Variants in PTPRT observed in about 807,000 individuals in gnomAD.
PTPRT encodes the protein receptor-type tyrosine-protein phosphatase T.
In PTPRT, 56 loss-of-function variants were observed where a neutral mutation model predicts 176.8. The ratio of observed to expected loss-of-function variants is 0.32; its 90% CI spans 0.26 to 0.40. PTPRT has a LOEUF of 0.40. PTPRT is among the 10% of genes least tolerant of loss of function. The pLI is 1.00. For missense variants in PTPRT, 1,540 were observed against 1,908.2 expected, an observed-to-expected ratio of 0.81 and a Z score of 3.60; for synonymous variants, 783 against 739.0, an observed-to-expected ratio of 1.06 and a Z score of -0.96.
chr20:42,232,555 C>A (rs2056155542), intron 15 of PTPRT, among the ~76,000 whole-genome samples: 1 of 152,026 alleles, frequency 6.6e-6, no homozygotes, highest in African/African-American at 2.4e-5. Context: ...GGGGGGCCAT[C>A]ATTTCCTTTC....
chr20:42,211,922 A>G (rs1182597662), intron 15 of PTPRT, among the ~76,000 whole-genome samples: 3 of 151,116 alleles, frequency 2.0e-5, no homozygotes, highest in Non-Finnish European at 4.4e-5. Flanking sequence ...GATAGACTGG[A>G]TTAAGAAAAT....
At chr20:42,135,376 AATG>A (rs1421024789) in intron 18 of PTPRT, among the ~76,000 whole-genome samples, 2 of 152,240 alleles carry the variant, frequency 1.3e-5, no homozygotes. Flanking sequence ...GACCTGGGCC[AATG>A]GCATCAGCAG....
intron 7 of PTPRT, among the ~76,000 whole-genome samples, chr20:42,494,969 C>T (rs6102863): frequency 0.18 from 28,124 of 152,114 alleles, 6,125 homozygotes; most frequent in African/African-American, 0.53. Context: ...AAGTGAATCT[C>T]CCTCCTCTAA....
At chr20:42,688,389 C>T (rs1401835297) in intron 6 of PTPRT, 1 of 152,242 alleles carries the variant, frequency 6.6e-6, no homozygotes, top group Non-Finnish European at 1.5e-5. Flanking sequence ...TGCTGTGCTC[C>T]TCCTACAGAC....
At chr20:42,371,169 C>T (rs1191605041) in intron 9 of PTPRT, among the ~76,000 whole-genome samples, 11 of 152,180 alleles carry the variant, frequency 7.2e-5, no homozygotes, top group Non-Finnish European at 1.5e-5. Flanking sequence ...ACAGCAGCCC[C>T]ATAGGGCAGT....
intron 6 of PTPRT, among the ~76,000 whole-genome samples, chr20:42,697,687 A>G (rs2075903617): frequency 6.6e-6 from 1 of 152,210 alleles, no homozygotes; most frequent in African/African-American, 2.4e-5. Flanking sequence ...ATGGGGTGGT[A>G]AAAAAGTAGG....
chr20:43,131,248 C>T (rs1305588096), intron 1 of PTPRT, among the ~76,000 whole-genome samples: 2 of 152,220 alleles, frequency 1.3e-5, no homozygotes, highest in East Asian at 3.9e-4. Context: ...CCTGACACAG[C>T]TTCAGGGAAG....
At chr20:42,973,280 G>A (rs1265454508) in intron 1 of PTPRT, among the ~76,000 whole-genome samples, 1 of 152,082 alleles carries the variant, frequency 6.6e-6, no homozygotes, top group African/African-American at 2.4e-5. Flanking sequence ...GAAGTAGTAC[G>A]TTTTGGGGAG....
chr20:42,332,266 G>A (rs997621839), intron 11 of PTPRT, among the ~76,000 whole-genome samples: 2 of 152,064 alleles, frequency 1.3e-5, no homozygotes, highest in African/African-American at 2.4e-5. Flanking sequence ...CTGGAGCGCA[G>A]TGGCGTAATC....
intron 7 of PTPRT, among the ~76,000 whole-genome samples, chr20:42,643,060 C>A (rs1032258731): frequency 6.6e-6 from 1 of 152,150 alleles, no homozygotes; most frequent in African/African-American, 2.4e-5. Context: ...GTGGAGTCAC[C>A]CAGCTGAAGC....
At chr20:43,019,262 T>A (rs1369885578) in intron 1 of PTPRT, among the ~76,000 whole-genome samples, 1 of 152,150 alleles carries the variant, frequency 6.6e-6, no homozygotes. Flanking sequence ...AGTGTTTCAG[T>A]AGGCACAAAA....
the PTPRT span, among the ~76,000 whole-genome samples, chr20:42,066,541 G>A: frequency 6.6e-6 from 1 of 151,968 alleles, no homozygotes; most frequent in South Asian, 2.1e-4. Flanking sequence ...TATTTGCATT[G>A]TTTTGGAATA....
chr20:42,409,382 T>C (rs1323443129), intron 9 of PTPRT, among the ~76,000 whole-genome samples: 1 of 149,062 alleles, frequency 6.7e-6, no homozygotes, highest in African/African-American at 2.5e-5. Context: ...CTCAGGAGGC[T>C]GAGGCAGAAT....
At chr20:43,016,663 C>A (rs1348852149) in intron 1 of PTPRT, among the ~76,000 whole-genome samples, 1 of 149,458 alleles carries the variant, frequency 6.7e-6, no homozygotes, top group African/African-American at 2.5e-5. Context: ...CCTCAGCCTT[C>A]CGAGTAGCTG....
intron 7 of PTPRT, among the ~76,000 whole-genome samples, chr20:42,586,146 G>A (rs926227936): frequency 3.3e-5 from 5 of 151,528 alleles, no homozygotes; most frequent in East Asian, 2.0e-4. Context: ...TTAAAGGCAC[G>A]TTCAATGTTG....
intron 1 of PTPRT, among the ~76,000 whole-genome samples, chr20:43,138,855 C>T (rs1319820701): frequency 6.6e-6 from 1 of 152,176 alleles, no homozygotes; most frequent in South Asian, 2.1e-4. Context: ...CAAACCACAA[C>T]CAGGTGGATG....
intron 1 of PTPRT, among the ~76,000 whole-genome samples, chr20:43,113,304 C>T (rs1239993097): frequency 6.6e-6 from 1 of 152,228 alleles, no homozygotes; most frequent in Non-Finnish European, 1.5e-5. Context: ...ATTAACTCTA[C>T]ACTCATACAA....
chr20:42,767,793 T>C lies in PTPRT; in HGVS notation c.684+3642A>G, dbSNP rs571815545. On this transcript the variant is annotated intron_variant, in intron 5 of 30. Transcript: ENST00000373187. ...TATATACATATATTTTAAACATAAA[T>C]ATATTACATATAATTATATATTTTT... Among the ~76,000 whole-genome samples the C allele has an allele frequency of 7.6e-4, 111 of 146,282 alleles. 2 individuals carry two copies. The highest frequency in any genetic ancestry group is 2.6e-3 in the African/African-American group (105 of 40,492).
chr20:42,946,764 C>A (rs931816516), intron 1 of PTPRT, among the ~76,000 whole-genome samples: 1 of 152,190 alleles, frequency 6.6e-6, no homozygotes, highest in Non-Finnish European at 1.5e-5. Flanking sequence ...CCATCCAACA[C>A]AAAAACAGCA....
Sources: allele counts gnomAD v4.1 joint callset (sites outside exome capture counted in the v4.1 genomes callset), GRCh38; gene constraint gnomAD v4.1.1; transcripts MANE v1.5; gene names NCBI Gene and HGNC (gene_info 2026-07-23, HGNC 2026-07-21).